C9: variants seen among roughly 807,000 people sequenced by gnomAD.
The protein encoded by C9 is complement C9.
In C9, 63 loss-of-function variants were observed where a neutral mutation model predicts 65.4. That is an observed-to-expected ratio of 0.96 (90% CI 0.79 to 1.19). The LOEUF is 1.19. Among genes scored for constraint, C9 ranks in the 50% most tolerant of loss-of-function variants. C9 has a pLI of 0.00. For synonymous variants in C9, 229 were observed against 227.9 expected (o/e 1.00, Z -0.04); for missense variants, 744 against 670.1 (o/e 1.11, Z -1.22).
rs569301249 is a variant in C9, at chr5:39,337,720, G to T, written c.476+3426C>A. Among the ~76,000 whole-genome samples the T allele has an allele frequency of 3.9e-5, 6 of 152,216 alleles. No individual in the cohort carries two copies. The South Asian group carries it at 1.0e-3, about 26-fold the overall frequency. On this transcript the variant is annotated intron_variant, in intron 4 of 10. Coordinates refer to ENST00000263408, the MANE Select transcript of C9 (RefSeq NM_001737.5). ...TGCCTTTTCAATGAATGCAAGATGG[G>T]TTGGGGGATTTCCCCAAACACTTCT...
chr5:39,313,515 A>G (rs1488376816), intron 6 of C9, among the ~76,000 whole-genome samples: 2 of 152,264 alleles, frequency 1.3e-5, no homozygotes, highest in East Asian at 3.9e-4. Flanking sequence ...TGAACAAACC[A>G]CCTAGAGAAT....
intron 4 of C9, among the ~76,000 whole-genome samples, chr5:39,336,664 G>C (rs987799526): frequency 5.9e-5 from 9 of 152,236 alleles, no homozygotes; most frequent in African/African-American, 2.2e-4. Context: ...GCTAGGAAGA[G>C]ACAGTGTTCA....
intron 5 of C9, among the ~76,000 whole-genome samples, chr5:39,330,646 T>G (rs1387784347): frequency 6.6e-6 from 1 of 152,208 alleles, no homozygotes. Flanking sequence ...AATCTGTGCT[T>G]AAAGAAGTTT....
intron 9 of C9, among the ~76,000 whole-genome samples, chr5:39,294,850 CA>C (rs1753155392): frequency 6.6e-6 from 1 of 151,684 alleles, no homozygotes; most frequent in Non-Finnish European, 1.5e-5. Context: ...AACAATACAT[CA>C]AAAAGATAAT....
chr5:39,346,866 C>G lies in C9; in HGVS notation c.78-4670G>C, dbSNP rs994684491. 2.0e-5 allele frequency among the ~76,000 whole-genome samples: 3 copies of G among 152,168 alleles called. No homozygotes were observed. The South Asian group carries it at 6.2e-4, about 32-fold the overall frequency. On this transcript the variant is annotated intron_variant, in intron 1 of 10. Transcript: ENST00000263408. ...TCCCTGGGATGCAAGGCTGGTTCAA[C>G]ATATGCAAATCAATAAACGTAATCC...
At position 39,289,219 on chromosome 5, in the gene C9, CA is replaced by C. The variant is rs544985966; in HGVS notation, c.1417-269del. Among the ~76,000 whole-genome samples the C allele has an allele frequency of 2.0e-3, 282 of 143,272 alleles. 6 individuals carry two copies. Among genetic ancestry groups the C allele is most frequent in the Middle Eastern group, 0.018 (5 of 280 alleles). 94.0% of individuals were successfully genotyped at this position (143,272 alleles called of 152,430 possible). Reference sequence around the variant, plus strand: ...CAAATAGAAAGTGTGATAGGTGCTACAAAAAAAAAACAGGTATATGTGCTTT... The same window carrying C: ...CAAATAGAAAGTGTGATAGGTGCTACAAAAAAAAACAGGTATATGTGCTTT... On this transcript the variant is annotated intron_variant, in intron 9 of 10. Coordinates refer to ENST00000263408, the MANE Select transcript of C9 (RefSeq NM_001737.5).
intron 9 of C9, among the ~76,000 whole-genome samples, chr5:39,300,091 A>G (rs1753254749): frequency 1.3e-5 from 2 of 152,070 alleles, no homozygotes; most frequent in Non-Finnish European, 2.9e-5. Context: ...AGCCTGGTAC[A>G]CTGCAGGTGC....
Position 39,341,486 on chromosome 5 carries a change from CT to C in C9, c.328+69del, listed in dbSNP as rs546350546. ...AAATCCAAGTGTCCAGAAGCATATG[CT>C]TTTTTTTTTCTTTTCATTCAGGAAG... On this transcript the variant is annotated intron_variant, in intron 3 of 10. Coordinates refer to ENST00000263408, the MANE Select transcript of C9 (RefSeq NM_001737.5). The C allele has an allele frequency of 9.6e-4, 1,376 of 1,435,222 alleles. 1 individual carries two copies. The highest frequency in any genetic ancestry group is 1.1e-3 in the Non-Finnish European group (1,155 of 1,033,340). 88.9% of individuals were successfully genotyped at this position (1,435,222 alleles called of 1,614,324 possible). A position where few individuals can be genotyped will look rare whatever the true frequency, so the allele number is the denominator to read the frequency against.
chr5:39,322,598 T>C (rs1027698479), intron 5 of C9, among the ~76,000 whole-genome samples: 1 of 152,096 alleles, frequency 6.6e-6, no homozygotes, highest in African/African-American at 2.4e-5. Context: ...TTAGCTAGGC[T>C]AACTCAGGAA....
intron 1 of C9, among the ~76,000 whole-genome samples, chr5:39,358,660 A>C (rs1015144142): frequency 6.6e-6 from 1 of 152,104 alleles, no homozygotes; most frequent in African/African-American, 2.4e-5. Context: ...CCATGGAGAT[A>C]GCGAAAAGCA....
At chr5:39,321,863 A>C (rs1407350317) in intron 5 of C9, among the ~76,000 whole-genome samples, 1 of 152,078 alleles carries the variant, frequency 6.6e-6, no homozygotes, top group Non-Finnish European at 1.5e-5. Flanking sequence ...AGTAAATGTT[A>C]ATAGATCTGA....
chr5:39,339,769 C>T (rs775406503), intron 4 of C9, among the ~76,000 whole-genome samples: 2 of 148,848 alleles, frequency 1.3e-5, no homozygotes, highest in Non-Finnish European at 3.0e-5. Flanking sequence ...ACACCATTCT[C>T]CTGCCTCAGC....
intron 9 of C9, among the ~76,000 whole-genome samples, chr5:39,289,575 C>T (rs1461248557): frequency 6.6e-6 from 1 of 151,646 alleles, no homozygotes. Flanking sequence ...CCTCAAGTAA[C>T]AGGAAACCAT....
rs1448232879 is a variant in C9 at position 39,315,761 on chromosome 5, C to T, written c.870+14G>A. 1.3e-6 allele frequency: 2 copies of T among 1,567,668 alleles called. No homozygotes were observed. Among genetic ancestry groups the T allele is most frequent in the Non-Finnish European group, 1.8e-6 (2 of 1,140,144 alleles). On this transcript the variant is annotated intron_variant, in intron 6 of 10. Transcript: ENST00000263408. ...GAACCTTTCTATATTCCTATATTAA[C>T]TGTTTTGTCTTACCTTCTTTGAAGA... is the stretch of plus-strand genomic sequence containing the variant.
intron 6 of C9, among the ~76,000 whole-genome samples, chr5:39,314,915 AGTTTTCAACT>A (rs2111894941): frequency 6.6e-6 from 1 of 152,216 alleles, no homozygotes; most frequent in Non-Finnish European, 1.5e-5. Flanking sequence ...CTTTCTGTGG[AGTTTTCAACT>A]CCATGAGGAC....
chr5:39,358,662 C>T (rs1233053763), intron 1 of C9, among the ~76,000 whole-genome samples: 1 of 151,888 alleles, frequency 6.6e-6, no homozygotes, highest in Non-Finnish European at 1.5e-5. Flanking sequence ...ATGGAGATAG[C>T]GAAAAGCAAT....
chr5:39,328,957 C>T (rs186250269), intron 5 of C9, among the ~76,000 whole-genome samples: 9 of 152,134 alleles, frequency 5.9e-5, no homozygotes, highest in East Asian at 1.9e-4. Context: ...AGGATTGGGG[C>T]GAAAACTATG....
rs115313744 is a variant in C9, at chr5:39,343,412, A to T, written c.78-1216T>A. Among the ~76,000 whole-genome samples the T allele has an allele frequency of 4.5e-3, 685 of 152,346 alleles. 6 individuals are homozygous for T. Among genetic ancestry groups the T allele is most frequent in the African/African-American group, 0.016 (658 of 41,580 alleles). ...ACCTGGCTCAGAGGGTCCCAGGCCC[A>T]TGGAGACTTGCTCATTGCTAGCATA... On this transcript the variant is annotated intron_variant, in intron 1 of 10. Transcript: ENST00000263408.
intron 1 of C9, among the ~76,000 whole-genome samples, chr5:39,351,416 T>C (rs1754320064): frequency 6.6e-6 from 1 of 152,240 alleles, no homozygotes; most frequent in Non-Finnish European, 1.5e-5. Context: ...AATGAGTTTC[T>C]CTTTTCTACC....
Sources: allele counts gnomAD v4.1 joint callset (sites outside exome capture counted in the v4.1 genomes callset), GRCh38; gene constraint gnomAD v4.1.1; transcripts MANE v1.5; gene names NCBI Gene and HGNC (gene_info 2026-07-23, HGNC 2026-07-21).